INTS1: variants seen among roughly 807,000 people sequenced by gnomAD.
INTS1 encodes integrator complex subunit 1.
INTS1 carries 137 observed loss-of-function variants against 241.6 expected under a neutral mutation model. The observed-to-expected ratio is 0.57, with a 90% confidence interval of 0.49 to 0.65. The LOEUF is 0.65. Ranked by LOEUF, INTS1 falls within the 30% of genes least tolerant of loss-of-function variation. The probability of loss-of-function intolerance (pLI) is 0.00; values close to 1 mark genes in which losing one functional copy is unlikely to be tolerated. For missense variants in INTS1, 3,073 were observed against 3,032.2 expected, an observed-to-expected ratio of 1.01 and a Z score of -0.32; for synonymous variants, 1,692 against 1,337.8, an observed-to-expected ratio of 1.26 and a Z score of -5.78.
Position 1,477,804 on chromosome 7 carries a change from A to G in INTS1, c.4763T>C (p.Leu1588Pro). ...KPVVVVSSLL[L>P]QEEEPLAGGK... ...CCCAGCCAGGGGCTCCTCCTCCTGCAGCAGCAGGGAGCTCACCACCACAAC... is the reference window on the plus strand; with the variant it reads ...CCCAGCCAGGGGCTCCTCCTCCTGCGGCAGCAGGGAGCTCACCACCACAAC... The change falls in exon 34 of 48, where the codon CTG (leucine) becomes CCG (proline). Residue 1588 changes from leucine to proline, a missense_variant. Physicochemically the swap from Leu to Pro is moderately conservative, Grantham distance 98. Transcript: ENST00000404767. 1 of 1,612,540 alleles carries G rather than the reference A, an allele frequency of 6.2e-7. No individual in the cohort carries two copies. Among genetic ancestry groups the G allele is most frequent in the Non-Finnish European group, 8.5e-7 (1 of 1,179,820 alleles).
At position 1,503,089 on chromosome 7, in the gene INTS1, G is replaced by A; in HGVS notation, c.161C>T (p.Pro54Leu). 4 of 1,611,870 alleles carry A rather than the reference G, an allele frequency of 2.5e-6. No homozygotes were observed. The highest frequency in any genetic ancestry group is 1.1e-5 in the South Asian group (1 of 91,004). Reference protein sequence around the residue: ...TLLKPAPSGLPSERKRDAAAA... With the variant: ...TLLKPAPSGLLSERKRDAAAA... Reference sequence around the variant, plus strand: ...CGCCGCATCCCGCTTGCGCTCAGAAGGCAGGCCGGAAGGGGCTGGCTTCAG... The same window carrying A: ...CGCCGCATCCCGCTTGCGCTCAGAAAGCAGGCCGGAAGGGGCTGGCTTCAG... The change falls in exon 3 of 48, where the codon CCT becomes CTT. Residue 54 changes from proline (P) to leucine (L), a missense_variant. Pro to Leu is a moderately conservative substitution (Grantham distance 98). Coordinates refer to ENST00000404767, the MANE Select transcript of INTS1 (RefSeq NM_001080453.3).
At position 1,481,608 on chromosome 7, in the gene INTS1, C is replaced by A; in HGVS notation, c.3704-120G>T. The A allele has an allele frequency of 9.3e-6, 9 of 967,890 alleles. 1 individual carries two copies. In the South Asian group the frequency reaches 2.6e-4, roughly 28 times the overall value. The allele number at this position is 967,890 out of a possible 1,614,324, so 60.0% of individuals were successfully genotyped here. On this transcript the variant is annotated intron_variant, in intron 27 of 47. Transcript: ENST00000404767. This position sits in a 1 kb window ranked among gnomAD's most constrained non-coding sequence, Gnocchi z 6.8. ...CCCACCCACCTGAGACCCTGGGCCA[C>A]GTGGGCTCGGTGACCCCACCCAAGA...
chr7:1,491,170 C>T lies in INTS1; in HGVS notation c.2166-1488G>A, dbSNP rs529491476. 7.9e-5 allele frequency among the ~76,000 whole-genome samples: 12 copies of T among 152,334 alleles called. No individual in the cohort carries two copies. In the East Asian group the frequency reaches 1.9e-3, roughly 24 times the overall value. On this transcript the variant is annotated intron_variant, in intron 16 of 47. Transcript: ENST00000404767. ...CTTCGGGAGCGTGGGGCAGCCCCAG[C>T]GTCCTAGGTACAACGTCAAAGCACA...
intron 11 of INTS1, among the ~76,000 whole-genome samples, 158 bp downstream of exon 11, chr7:1,496,980 C>G (rs1487369040): frequency 3.3e-5 from 5 of 152,166 alleles, no homozygotes; most frequent in Non-Finnish European, 5.9e-5. Flanking sequence ...ATGCTACCCT[C>G]TGGGACGCGT....
intron 39 of INTS1, 63 bp downstream of exon 39, chr7:1,475,885 T>G: frequency 6.6e-7 from 1 of 1,511,358 alleles, no homozygotes; most frequent in Non-Finnish European, 8.9e-7. Flanking sequence ...GCCTCCGCCC[T>G]CCCTCCCTGC....
chr7:1,496,108 G>C (rs760056275), intron 12 of INTS1, 48 bp downstream of exon 12: 2 of 1,481,644 alleles, frequency 1.3e-6, no homozygotes, highest in African/African-American at 2.8e-5. Flanking sequence ...CACCAGCCTG[G>C]ACCCGAGACC....
At chr7:1,479,022 GCCT>G in intron 31 of INTS1, 137 bp from the exon 32 acceptor site, 2 of 986,826 alleles carry the variant, frequency 2.0e-6, no homozygotes, top group Non-Finnish European at 2.9e-6. Context: ...ACCTCATCCC[GCCT>G]CCTGTCTGAA....
At chr7:1,500,492 C>A (rs949084373) in intron 3 of INTS1, 126 bp from the exon 4 acceptor site, 21 of 1,078,742 alleles carry the variant, frequency 1.9e-5, no homozygotes, top group African/African-American at 3.2e-5. Context: ...ACCAGCGATC[C>A]ACCCTCAGCA....
chr7:1,473,788 A>AC, intron 41 of INTS1, 95 bp from the exon 42 acceptor site: 1 of 1,491,414 alleles, frequency 6.7e-7, no homozygotes, highest in Non-Finnish European at 9.1e-7. Flanking sequence ...CAGGGCATGG[A>AC]CCCCACAGCC....
Position 1,504,350 on chromosome 7 carries a change from C to T in INTS1, c.-69G>A. On this transcript the variant is annotated 5_prime_UTR_variant, in exon 1 of 48. Coordinates refer to ENST00000404767, the MANE Select transcript of INTS1 (RefSeq NM_001080453.3). The stretch of plus-strand genomic sequence containing the variant: ...CTGGCCCATCGCGACCGGAGCGCCG[C>T]CGCCGCCACCCGGCCACCCCGGAAT... The T allele has an allele frequency of 2.0e-6, 1 of 497,382 alleles. No homozygotes were observed. The highest frequency in any genetic ancestry group is 3.9e-6 in the Non-Finnish European group (1 of 256,190). The allele number at this position is 497,382 out of a possible 1,614,324, so 30.8% of individuals were successfully genotyped here. A position where few individuals can be genotyped will look rare whatever the true frequency, so the allele number is the denominator to read the frequency against.
In INTS1 at chr7:1,503,904, T is replaced by C; in HGVS notation, c.57A>G (p.Ser19=). Reference sequence around the variant, plus strand: ...TGCAGAGCGAGGAGGGAGACGCACCTGAGGGTTTGGCCGCGGCGCTGGGCC... The same window carrying C: ...TGCAGAGCGAGGAGGGAGACGCACCCGAGGGTTTGGCCGCGGCGCTGGGCC... The part of the protein sequence containing the change: ...VRRPSAAAKP[S]GHPPPGDFIA... The change falls in exon 2 of 48, where the codon TCA becomes TCG. Residue 19 remains serine (S), a splice_region_variant and synonymous_variant. Transcript: ENST00000404767. 1 of 1,527,900 alleles carries C rather than the reference T, an allele frequency of 6.5e-7. No individual in the cohort carries two copies. The highest frequency in any genetic ancestry group is 8.8e-7 in the Non-Finnish European group (1 of 1,139,634). The allele number at this position is 1,527,900 out of a possible 1,614,324, so 94.6% of individuals were successfully genotyped here. A position where few individuals can be genotyped will look rare whatever the true frequency, so the allele number is the denominator to read the frequency against.
At chr7:1,486,545 G>T in intron 22 of INTS1, 80 bp downstream of exon 22, 2 of 1,478,760 alleles carry the variant, frequency 1.4e-6, no homozygotes, top group South Asian at 2.6e-5. Flanking sequence ...GATGACAGGC[G>T]TGAGCCACCG....
At position 1,498,693 on chromosome 7, in the gene INTS1, G is replaced by A. The variant is rs764456773; in HGVS notation, c.1283+14C>T. On this transcript the variant is annotated intron_variant, in intron 9 of 47. Coordinates refer to ENST00000404767, the MANE Select transcript of INTS1 (RefSeq NM_001080453.3). ...TCCACCCGCACCCCCGCTCTGCCCCGGCTCGCCACGCACCTGATGCACAGC... is the reference window on the plus strand; with the variant it reads ...TCCACCCGCACCCCCGCTCTGCCCCAGCTCGCCACGCACCTGATGCACAGC... The A allele has an allele frequency of 2.6e-5, 32 of 1,217,042 alleles. No homozygotes were observed. The highest frequency in any genetic ancestry group is 1.8e-4 in the Admixed American group (7 of 38,972). The allele number at this position is 1,217,042 out of a possible 1,614,324, so 75.4% of individuals were successfully genotyped here.
Position 1,487,951 on chromosome 7 carries a change from G to A in INTS1, c.2325C>T (p.Tyr775=), listed in dbSNP as rs1216620127. The A allele has an allele frequency of 6.2e-7, 1 of 1,613,200 alleles. No homozygotes were observed. Among genetic ancestry groups the A allele is most frequent in the African/African-American group, 1.3e-5 (1 of 75,042 alleles). Residue 775 remains tyrosine, a synonymous_variant, in exon 19 of 48, where the codon TAC becomes TAT. Coordinates refer to ENST00000404767, the MANE Select transcript of INTS1 (RefSeq NM_001080453.3). The part of the protein sequence containing the change: ...MLMEMVMTNN[Y]SYPPCTLTDE... ...CCGTCAGGGTGCACGGTGGGTAGGA[G>A]TAGTTGCTAGGGCCAGACGGGGGAG...
In INTS1 at chr7:1,497,022, C is replaced by G; in HGVS notation, c.1602+116G>C. 9.4e-7 allele frequency: 1 copy of G among 1,068,344 alleles called. No homozygotes were observed. The highest frequency in any genetic ancestry group is 2.6e-5 in the East Asian group (1 of 38,426). 66.2% of individuals were successfully genotyped at this position (1,068,344 alleles called of 1,614,324 possible). On this transcript the variant is annotated intron_variant, in intron 11 of 47. Transcript: ENST00000404767. This position sits in a 1 kb window ranked among gnomAD's most constrained non-coding sequence, Gnocchi z 5.3. ...AAACAGCCTCACTCATCCCCGTACCCACGCTCAGCCAGAGCATCCGAAGGG... is the reference window on the plus strand; with the variant it reads ...AAACAGCCTCACTCATCCCCGTACCGACGCTCAGCCAGAGCATCCGAAGGG...
intron 40 of INTS1, 123 bp downstream of exon 40, chr7:1,474,582 G>T: frequency 7.3e-7 from 1 of 1,362,806 alleles, no homozygotes; most frequent in African/African-American, 1.4e-5. Flanking sequence ...GTCAAGCTCA[G>T]CCCATGGGAA....
intron 20 of INTS1, 27 bp from the exon 21 acceptor site, chr7:1,487,128 C>A: frequency 1.3e-6 from 2 of 1,537,130 alleles, no homozygotes; most frequent in South Asian, 2.4e-5. Context: ...GGCGCCCGCT[C>A]AGCACCTTCC....
chr7:1,473,979 GC>G (rs1284772680), intron 41 of INTS1, among the ~76,000 whole-genome samples, 188 bp downstream of exon 41: 1 of 152,210 alleles, frequency 6.6e-6, no homozygotes, highest in African/African-American at 2.4e-5. Flanking sequence ...AAGGACGTGG[GC>G]CCCCCAGGCA....
rs1226949873 is a variant in INTS1 at position 1,476,804 on chromosome 7, G to A, written c.5053C>T (p.Arg1685Trp). ...QCIRVLLGKS[R>W]EQRFDPSASL... The stretch of plus-strand genomic sequence containing the variant: ...CAGGGAGGCGCCCACCTCTGTTCCC[G>A]GCTCTTGCCCAGCAGGACTCGGATG... The change falls in exon 36 of 48, where the codon CGG becomes TGG. Residue 1685 changes from arginine to tryptophan, a missense_variant. Physicochemically the swap from Arg to Trp is moderately radical, Grantham distance 101. Transcript: ENST00000404767. The A allele has an allele frequency of 1.1e-5, 18 of 1,612,760 alleles. No individual in the cohort carries two copies. The Admixed American group carries it at 1.2e-4, about 10-fold the overall frequency.
Sources: allele counts gnomAD v4.1 joint callset (sites outside exome capture counted in the v4.1 genomes callset), GRCh38; gene constraint gnomAD v4.1.1; non-coding constraint Gnocchi (gnomAD v3.1); transcripts MANE v1.5; gene names NCBI Gene and HGNC (gene_info 2026-07-23, HGNC 2026-07-21).